ROBO2: variants seen among roughly 807,000 people sequenced by gnomAD.
ROBO2 encodes the protein roundabout homolog 2.
In ROBO2, 53 loss-of-function variants were observed where a neutral mutation model predicts 160.8. The ratio of observed to expected loss-of-function variants is 0.33; its 90% CI spans 0.26 to 0.41. The LOEUF is 0.41. Among genes scored for constraint, ROBO2 ranks in the 10% least tolerant of loss-of-function variants. The pLI, the probability that ROBO2 is intolerant of heterozygous loss-of-function variation, is 1.00. For missense variants in ROBO2, 1,577 were observed against 1,722.4 expected, an observed-to-expected ratio of 0.92 and a Z score of 1.49; for synonymous variants, 664 against 611.7, an observed-to-expected ratio of 1.09 and a Z score of -1.26.
At chr3:76,565,718 C>G (rs764151932) in intron 2 of ROBO2, among the ~76,000 whole-genome samples, 5 of 152,146 alleles carry the variant, frequency 3.3e-5, no homozygotes, top group Non-Finnish European at 5.9e-5. Context: ...TAATGTAACT[C>G]ACTCAATGAA....
intron 2 of ROBO2, among the ~76,000 whole-genome samples, chr3:76,712,953 A>C (rs1378016291): frequency 6.6e-6 from 1 of 152,156 alleles, no homozygotes; most frequent in African/African-American, 2.4e-5. Context: ...TCTAAAACTT[A>C]TTTTCTGAGT....
chr3:76,997,895 G>A (rs578162660), intron 2 of ROBO2, among the ~76,000 whole-genome samples: 1 of 152,122 alleles, frequency 6.6e-6, no homozygotes, highest in East Asian at 1.9e-4. Flanking sequence ...CAGAGGGAGG[G>A]CTTAGCTCAG....
chr3:75,933,677 C>T (rs1032098796), intron 1 of ROBO2, among the ~76,000 whole-genome samples: 1 of 152,068 alleles, frequency 6.6e-6, no homozygotes, highest in East Asian at 1.9e-4. Flanking sequence ...ACATAATATA[C>T]CTAGGCTTGT....
chr3:76,603,367 T>A (rs1404724163), intron 2 of ROBO2, among the ~76,000 whole-genome samples: 21 of 135,190 alleles, frequency 1.6e-4, no homozygotes, highest in African/African-American at 5.3e-4. Context: ...TATATATATA[T>A]ATATATATAT....
exon 4 of ROBO2, chr3:77,481,149 G>A (rs770382531): frequency 6.2e-7 from 1 of 1,611,904 alleles, no homozygotes; most frequent in Non-Finnish European, 8.5e-7. Context: ...GTGATGCAGG[G>A]ATGTATACTT....
intron 2 of ROBO2, among the ~76,000 whole-genome samples, chr3:76,927,926 A>C (rs1193020440): frequency 6.6e-6 from 1 of 152,202 alleles, no homozygotes; most frequent in Non-Finnish European, 1.5e-5. Context: ...AAGTTACAAA[A>C]ATAGAATGAA....
chr3:76,555,425 G>GAGGAAGAAGAAGAAGAA (rs2083713861), intron 2 of ROBO2, among the ~76,000 whole-genome samples: 1 of 68,472 alleles, frequency 1.5e-5, no homozygotes, highest in Non-Finnish European at 3.3e-5. Flanking sequence ...AAGAAAGAAG[G>GAGGAAGAAGAAGAAGAA]AGAAGGGGAA....
intron 2 of ROBO2, among the ~76,000 whole-genome samples, chr3:77,466,836 T>A (rs1304487524): frequency 2.0e-5 from 3 of 152,232 alleles, no homozygotes; most frequent in Admixed American, 6.5e-5. Context: ...TGTGTAATAA[T>A]CCTTAGACTA....
chr3:77,317,402 C>T (rs1163047254), intron 2 of ROBO2: 4 of 1,235,574 alleles, frequency 3.2e-6, no homozygotes, highest in Non-Finnish European at 4.7e-6. Flanking sequence ...CCGTAGACCT[C>T]GAGCCATAGT....
At chr3:76,936,064 G>C (rs1559729296) in intron 2 of ROBO2, among the ~76,000 whole-genome samples, 1 of 152,102 alleles carries the variant, frequency 6.6e-6, no homozygotes, top group African/African-American at 2.4e-5. Flanking sequence ...CTGGGGTAAT[G>C]CATTATTAGC....
At chr3:77,451,702 C>G (rs915768807) in intron 2 of ROBO2, among the ~76,000 whole-genome samples, 1 of 152,030 alleles carries the variant, frequency 6.6e-6, no homozygotes, top group Non-Finnish European at 1.5e-5. Flanking sequence ...CTTTGATTCT[C>G]CCTTCTACTC....
chr3:76,125,329 G>T (rs2070928622), intron 2 of ROBO2, among the ~76,000 whole-genome samples: 1 of 152,086 alleles, frequency 6.6e-6, no homozygotes, highest in South Asian at 2.1e-4. Context: ...TGTCATTTTG[G>T]TAGAGTGATT....
intron 2 of ROBO2, among the ~76,000 whole-genome samples, chr3:76,566,992 T>C (rs2084568633): frequency 6.6e-6 from 1 of 152,196 alleles, no homozygotes; most frequent in Admixed American, 6.5e-5. Context: ...AGCATTTATA[T>C]ATTTATCCAT....
At chr3:77,130,554 G>A (rs1412449196) in intron 2 of ROBO2, among the ~76,000 whole-genome samples, 2 of 152,188 alleles carry the variant, frequency 1.3e-5, no homozygotes, top group African/African-American at 4.8e-5. Flanking sequence ...TGCAAAAGCT[G>A]CAATTATGTT....
chr3:76,663,595 T>TA (rs1362184732), intron 2 of ROBO2, among the ~76,000 whole-genome samples: 1 of 151,964 alleles, frequency 6.6e-6, no homozygotes, highest in Admixed American at 6.6e-5. Flanking sequence ...GCCGAATAAA[T>TA]AAAGATAGGA....
intron 2 of ROBO2, among the ~76,000 whole-genome samples, chr3:76,621,065 G>A (rs916457573): frequency 6.6e-6 from 1 of 151,366 alleles, no homozygotes; most frequent in Non-Finnish European, 1.5e-5. Flanking sequence ...ACATACAAAA[G>A]TTTTAATACT....
At chr3:76,626,388 G>A (rs955052597) in intron 2 of ROBO2, among the ~76,000 whole-genome samples, 5 of 152,100 alleles carry the variant, frequency 3.3e-5, no homozygotes, top group African/African-American at 1.2e-4. Context: ...ACAATACATA[G>A]AGAAGACACA....
intron 2 of ROBO2, among the ~76,000 whole-genome samples, chr3:76,372,893 C>A (rs920813996): frequency 2.6e-5 from 4 of 151,940 alleles, no homozygotes; most frequent in Admixed American, 2.6e-4. Flanking sequence ...AGATCAAACA[C>A]TTGACCACAA....
At chr3:76,365,459 A>G (rs534304156) in intron 2 of ROBO2, among the ~76,000 whole-genome samples, 120 of 152,200 alleles carry the variant, frequency 7.9e-4, no homozygotes, top group Middle Eastern at 3.4e-3. Flanking sequence ...GCTTTTCGCT[A>G]TGCAGAGGCT....
Sources: allele counts gnomAD v4.1 joint callset (sites outside exome capture counted in the v4.1 genomes callset), GRCh38; gene constraint gnomAD v4.1.1; transcripts MANE v1.5; gene names NCBI Gene and HGNC (gene_info 2026-07-23, HGNC 2026-07-21).